Variants in LY96 observed in about 807,000 individuals in gnomAD.
LY96 encodes lymphocyte antigen 96.
In LY96, 18 loss-of-function variants were observed where a neutral mutation model predicts 18.9. The ratio of observed to expected loss-of-function variants is 0.95; its 90% confidence interval spans 0.66 to 1.41. LY96 has a LOEUF of 1.41. LY96 is among the 40% of genes most tolerant of loss of function. The probability of loss-of-function intolerance (pLI) is 0.00; values close to 1 mark genes in which losing one functional copy is unlikely to be tolerated. For missense variants in LY96, 175 were observed against 182.4 expected (o/e 0.96, Z 0.23); for synonymous variants, 66 against 62.6 (o/e 1.06, Z -0.26).
In LY96 at chr8:74,007,483, G is replaced by C. The variant is rs115699460; in HGVS notation, c.203-2518G>C. On this transcript the variant is annotated intron_variant, in intron 2 of 4. Coordinates refer to ENST00000284818, the MANE Select transcript of LY96 (RefSeq NM_015364.5). Reference sequence around the variant, plus strand: ...ACTATAATGTTGGTATAAAGTGTGAGGCCACATTCATGGAAATCAACCTTA... The same window carrying C: ...ACTATAATGTTGGTATAAAGTGTGACGCCACATTCATGGAAATCAACCTTA... Among the ~76,000 whole-genome samples, 467 of 152,242 alleles carry C rather than the reference G, an allele frequency of 3.1e-3. 2 individuals carry two copies. Among genetic ancestry groups the C allele is most frequent in the African/African-American group, 0.011 (450 of 41,536 alleles).
chr8:74,025,984 G>A (rs1366289602), intron 3 of LY96, among the ~76,000 whole-genome samples: 2 of 152,048 alleles, frequency 1.3e-5, no homozygotes, highest in African/African-American at 2.4e-5. Context: ...CTCCGGCCTG[G>A]GCAACAGAGT....
chr8:74,073,698 C>G, the LY96 span, among the ~76,000 whole-genome samples: 52 of 152,012 alleles, frequency 3.4e-4, 2 homozygotes, highest in South Asian at 0.011. Flanking sequence ...GAGTCTTGCT[C>G]TGTCACCCAG....
chr8:74,003,765 G>T (rs910636725), intron 1 of LY96, among the ~76,000 whole-genome samples: 3 of 152,156 alleles, frequency 2.0e-5, no homozygotes, highest in Non-Finnish European at 4.4e-5. Context: ...GACTTTTCCT[G>T]GGTCTGGGCC....
At chr8:74,036,062 G>A in the LY96 span, among the ~76,000 whole-genome samples, 4 of 152,152 alleles carry the variant, frequency 2.6e-5, no homozygotes, top group Non-Finnish European at 4.4e-5. Flanking sequence ...ATTGAGACTC[G>A]TCTCAGGGAT....
At chr8:74,083,338 C>G in the LY96 span, among the ~76,000 whole-genome samples, 1 of 152,110 alleles carries the variant, frequency 6.6e-6, no homozygotes, top group African/African-American at 2.4e-5. Context: ...CCTCAGCCTC[C>G]CAAGTAGCTG....
At chr8:74,005,829 A>G (rs1181482095) in intron 2 of LY96, among the ~76,000 whole-genome samples, 1 of 152,246 alleles carries the variant, frequency 6.6e-6, no homozygotes, top group African/African-American at 2.4e-5. Flanking sequence ...CTGGAATCCC[A>G]GAAAACTTTA....
chr8:74,024,575 C>T (rs551394462), intron 3 of LY96, among the ~76,000 whole-genome samples: 24 of 152,026 alleles, frequency 1.6e-4, no homozygotes, highest in Non-Finnish European at 3.1e-4. Flanking sequence ...TGTAATAATC[C>T]TATGAGATAC....
chr8:73,994,888 C>G (rs1816090467), intron 1 of LY96, among the ~76,000 whole-genome samples: 1 of 152,136 alleles, frequency 6.6e-6, no homozygotes, highest in South Asian at 2.1e-4. Flanking sequence ...GCTAGAAGTC[C>G]AAGATCAAGG....
chr8:74,012,805 T>A (rs927767138), intron 3 of LY96, among the ~76,000 whole-genome samples: 5 of 152,166 alleles, frequency 3.3e-5, no homozygotes, highest in Admixed American at 3.3e-4. Flanking sequence ...TATTTACATA[T>A]AATTTTTTTG....
At chr8:74,060,621 G>C in the LY96 span, among the ~76,000 whole-genome samples, 1 of 152,204 alleles carries the variant, frequency 6.6e-6, no homozygotes, top group Non-Finnish European at 1.5e-5. Context: ...ATAAACCTGA[G>C]TCCCTCCTTG....
the LY96 span, among the ~76,000 whole-genome samples, chr8:74,092,070 C>T: frequency 1.3e-5 from 2 of 152,148 alleles, no homozygotes; most frequent in Admixed American, 6.5e-5. Flanking sequence ...TTGGGCCTTG[C>T]CTAAAAGCTC....
intron 2 of LY96, among the ~76,000 whole-genome samples, chr8:74,008,595 G>T (rs1404000629): frequency 6.6e-6 from 1 of 152,326 alleles, no homozygotes; most frequent in Middle Eastern, 3.4e-3. Flanking sequence ...TGAAAAGGAG[G>T]TTAGAAAGAT....
the LY96 span, among the ~76,000 whole-genome samples, chr8:74,072,769 A>T: frequency 6.6e-6 from 1 of 152,194 alleles, no homozygotes; most frequent in South Asian, 2.1e-4. Flanking sequence ...GCCTGAAAGC[A>T]TAGGGAGGTC....
chr8:74,006,518 T>G (rs1816415980), intron 2 of LY96, among the ~76,000 whole-genome samples: 1 of 152,142 alleles, frequency 6.6e-6, no homozygotes, highest in East Asian at 1.9e-4. Flanking sequence ...TCTCCTGATC[T>G]TCAGGAATCC....
intron 1 of LY96, among the ~76,000 whole-genome samples, chr8:73,999,109 G>A (rs1586646828): frequency 6.6e-6 from 1 of 151,276 alleles, no homozygotes; most frequent in African/African-American, 2.4e-5. Flanking sequence ...TAGCTGGGAC[G>A]ACAGGCACCC....
At chr8:74,022,993 T>C (rs968228345) in intron 3 of LY96, among the ~76,000 whole-genome samples, 1 of 152,174 alleles carries the variant, frequency 6.6e-6, no homozygotes, top group Admixed American at 6.5e-5. Context: ...GGGCCCCATA[T>C]ACGGAAGGGC....
chr8:73,993,606 C>T (rs766189773), intron 1 of LY96, among the ~76,000 whole-genome samples: 9 of 152,118 alleles, frequency 5.9e-5, no homozygotes, highest in African/African-American at 1.2e-4. Context: ...CCACACCCAG[C>T]TAATTTTTGT....
chr8:74,011,448 C>T (rs1816528534), intron 3 of LY96, among the ~76,000 whole-genome samples: 1 of 152,164 alleles, frequency 6.6e-6, no homozygotes, highest in Admixed American at 6.5e-5. Context: ...GAACAGACAA[C>T]CTGTAGTATA....
At chr8:74,007,483 G>T (rs115699460) in intron 2 of LY96, among the ~76,000 whole-genome samples, 3 of 152,128 alleles carry the variant, frequency 2.0e-5, no homozygotes, top group African/African-American at 7.2e-5. Flanking sequence ...TAAAGTGTGA[G>T]GCCACATTCA....
Sources: gnomAD v4.1 joint callset for allele counts (sites outside exome capture counted in the v4.1 genomes callset) on GRCh38, gnomAD v4.1.1 for gene constraint, MANE v1.5 for transcripts, NCBI Gene and HGNC (gene_info 2026-07-23, HGNC 2026-07-21) for gene names.